OR52N5: variants seen among roughly 807,000 people sequenced by gnomAD.
The protein encoded by OR52N5 is olfactory receptor 52N5.
Under a neutral mutation model 14.1 loss-of-function variants are expected in OR52N5, and 10 were observed. The ratio of observed to expected loss-of-function variants is 0.71; its 90% CI spans 0.44 to 1.20. The LOEUF is 1.20. OR52N5 is among the 50% of genes most tolerant of loss of function. The pLI is 0.00. For missense variants in OR52N5, 361 were observed against 403.2 expected (o/e 0.90, Z 0.90); for synonymous variants, 116 against 143.0 (o/e 0.81, Z 1.35).
rs1854557854 is a variant in OR52N5, at chr11:5,782,653, C to G, written c.-248+642G>C. On this transcript the variant is annotated intron_variant, in intron 1 of 2. Transcript: ENST00000641181. ...CACCTTTCTTCCTCCTTGCTACCTT[C>G]ACATTTTCTCCATTTTTATGATGAT... Among the ~76,000 whole-genome samples the G allele has an allele frequency of 2.1e-5, 3 of 139,738 alleles. 1 individual carries two copies. The South Asian group carries it at 7.0e-4, about 33-fold the overall frequency. The allele number at this position is 139,738 out of a possible 152,430, so 91.7% of individuals were successfully genotyped here.
Position 5,779,918 on chromosome 11 carries a change from T to A in OR52N5, c.-23-1261A>T, listed in dbSNP as rs1412421499. 4.3e-5 allele frequency among the ~76,000 whole-genome samples: 6 copies of A among 139,398 alleles called. 1 individual carries two copies. Among genetic ancestry groups the A allele is most frequent in the African/African-American group, 1.6e-4 (6 of 38,108 alleles). 91.5% of individuals were successfully genotyped at this position (139,398 alleles called of 152,430 possible). ...AAATTGTTACTCCACCCAGGTCACA[T>A]CAACATATCTATTTTCTGTAGTCTA... is the stretch of plus-strand genomic sequence containing the variant. On this transcript the variant is annotated intron_variant, in intron 2 of 2. Coordinates refer to ENST00000641181, the MANE Select transcript of OR52N5 (RefSeq NM_001385662.1).
At chr11:5,781,004 T>A (rs1026720224) in intron 2 of OR52N5, among the ~76,000 whole-genome samples, 1 of 140,374 alleles carries the variant, frequency 7.1e-6, no homozygotes, top group African/African-American at 2.6e-5. Flanking sequence ...GAATGAGCTA[T>A]TGCCGTTAAA....
At position 5,777,372 on chromosome 11, in the gene OR52N5, T is replaced by C. The variant is rs111363944; in HGVS notation, c.*288A>G. On this transcript the variant is annotated 3_prime_UTR_variant, in exon 3 of 3. Coordinates refer to ENST00000641181, the MANE Select transcript of OR52N5 (RefSeq NM_001385662.1). The stretch of plus-strand genomic sequence containing the variant: ...TTAGCCATTCTGTAAGGTTTATATA[T>C]ATTTAAAACATTATGTTATATATGA... The C allele has an allele frequency of 0.12, 22,296 of 185,780 alleles. 4,673 individuals carry two copies. The highest frequency in any genetic ancestry group is 0.29 in the African/African-American group (11,562 of 39,828). 11.5% of individuals were successfully genotyped at this position (185,780 alleles called of 1,614,324 possible). A position where few individuals can be genotyped will look rare whatever the true frequency, so the allele number is the denominator to read the frequency against.
chr11:5,779,686 TC>T lies in OR52N5; in HGVS notation c.-23-1030del, dbSNP rs1489690268. On this transcript the variant is annotated intron_variant, in intron 2 of 2. Coordinates refer to ENST00000641181, the MANE Select transcript of OR52N5 (RefSeq NM_001385662.1). ...ATGACGACTATTTTCATCAGAAATA[TC>T]CATAAAATTTTACATTTATTATGTC... 3.6e-5 allele frequency among the ~76,000 whole-genome samples: 5 copies of T among 140,012 alleles called. No individual in the cohort carries two copies. In the East Asian group the frequency reaches 1.0e-3, roughly 29 times the overall value. The allele number at this position is 140,012 out of a possible 152,430, so 91.9% of individuals were successfully genotyped here.
chr11:5,777,904 TGCCGAG>T lies in OR52N5; in HGVS notation c.725_730del (p.Ala242_Gln244delinsGlu), dbSNP rs758910287. ...GGCAGTGCAGGTGCTGAAAGCCTTC[TGCCGAG>T]CATCTGATGAAGAGAGGCTGATCGC... is the stretch of plus-strand genomic sequence containing the variant. On this transcript the variant is annotated inframe_deletion, in exon 3 of 3. Transcript: ENST00000641181. 1.2e-5 allele frequency: 18 copies of T among 1,521,450 alleles called. 5 individuals carry two copies. Among genetic ancestry groups the T allele is most frequent in the Non-Finnish European group, 1.5e-5 (17 of 1,114,790 alleles). 94.2% of individuals were successfully genotyped at this position (1,521,450 alleles called of 1,614,324 possible).
chr11:5,780,613 G>T (rs1854541364), intron 2 of OR52N5, among the ~76,000 whole-genome samples: 1 of 138,484 alleles, frequency 7.2e-6, no homozygotes, highest in Middle Eastern at 3.6e-3. Context: ...GACATACAAA[G>T]GTTCATAAGA....
Position 5,778,023 on chromosome 11 carries a change from A to G in OR52N5, c.612T>C (p.Asn204=). The change falls in exon 3 of 3, where the codon AAT becomes AAC. Residue 204 remains asparagine, a synonymous_variant. Coordinates refer to ENST00000641181, the MANE Select transcript of OR52N5 (RefSeq NM_001385662.1). ...GAGCAACCATTAGACCATAGATTAC[A>G]TTGACCTTGATGCTGGCACAAGATA... The part of the protein sequence containing the change: ...VKLSCASIKV[N]VIYGLMVALL... 6.6e-7 allele frequency: 1 copy of G among 1,521,492 alleles called. No homozygotes were observed. Among genetic ancestry groups the G allele is most frequent in the Non-Finnish European group, 9.0e-7 (1 of 1,114,344 alleles). 94.2% of individuals were successfully genotyped at this position (1,521,492 alleles called of 1,614,324 possible).
In OR52N5 at chr11:5,778,213, T is replaced by C. The variant is rs751193662; in HGVS notation, c.422A>G (p.Tyr141Cys). 22 of 1,520,228 alleles carry C rather than the reference T, an allele frequency of 1.4e-5. 3 individuals are homozygous for C. The highest frequency in any genetic ancestry group is 2.0e-5 in the Non-Finnish European group (22 of 1,113,960). 94.2% of individuals were successfully genotyped at this position (1,520,228 alleles called of 1,614,324 possible). ...RYVAICYPLR[Y>C]ATTLTNPIIA... ...GATAGGGTTGGTGAGTGTGGTAGCA[T>C]AACGCAAAGGGTAGCAAATGGCTAC... The change falls in exon 3 of 3, where the codon TAT (tyrosine) becomes TGT (cysteine). Residue 141 changes from tyrosine to cysteine, a missense_variant. Tyr to Cys is a radical substitution (Grantham distance 194). Coordinates refer to ENST00000641181, the MANE Select transcript of OR52N5 (RefSeq NM_001385662.1).
chr11:5,782,706 A>G (rs1854558200), intron 1 of OR52N5, among the ~76,000 whole-genome samples: 1 of 139,488 alleles, frequency 7.2e-6, no homozygotes, highest in African/African-American at 2.6e-5. Flanking sequence ...TGCTCAAACA[A>G]TTTATATTTA....
chr11:5,782,774 A>G (rs751531632), intron 1 of OR52N5, among the ~76,000 whole-genome samples: 4 of 138,638 alleles, frequency 2.9e-5, no homozygotes, highest in Non-Finnish European at 6.4e-5. Flanking sequence ...TCTGCCACCT[A>G]TTTTATCCCA....
chr11:5,777,924 G>C lies in OR52N5; in HGVS notation c.711C>G (p.Leu237=). The C allele has an allele frequency of 2.6e-6, 4 of 1,521,752 alleles. 1 individual carries two copies. The highest frequency in any genetic ancestry group is 3.6e-6 in the Non-Finnish European group (4 of 1,114,790). The allele number at this position is 1,521,752 out of a possible 1,614,324, so 94.3% of individuals were successfully genotyped here. The change falls in exon 3 of 3, where the codon CTC becomes CTG. Residue 237 remains leucine, a synonymous_variant. Coordinates refer to ENST00000641181, the MANE Select transcript of OR52N5 (RefSeq NM_001385662.1). ...YTLILKAAIS[L]SSSDARQKAF... is the part of the protein sequence containing the mutation. Reference sequence around the variant, plus strand: ...CCTTCTGCCGAGCATCTGATGAAGAGAGGCTGATCGCTGCCTTGAGGATCA... The same window carrying C: ...CCTTCTGCCGAGCATCTGATGAAGACAGGCTGATCGCTGCCTTGAGGATCA...
chr11:5,776,229 TG>T lies in OR52N5; in HGVS notation c.*1430del. 1 of 140,314 alleles carries T rather than the reference TG, an allele frequency of 7.1e-6. No individual in the cohort carries two copies. Among genetic ancestry groups the T allele is most frequent in the Admixed American group, 7.3e-5 (1 of 13,626 alleles). 8.7% of individuals were successfully genotyped at this position (140,314 alleles called of 1,614,324 possible). On this transcript the variant is annotated 3_prime_UTR_variant, in exon 3 of 3. Transcript: ENST00000641181. ...GATAAGTTCTATTTTAAGATTTAGC[TG>T]AGTTGATAAAAATATTCAGAAATAT... is the stretch of plus-strand genomic sequence containing the variant.
chr11:5,782,285 T>A (rs1193141098), intron 1 of OR52N5, among the ~76,000 whole-genome samples: 2 of 139,724 alleles, frequency 1.4e-5, no homozygotes, highest in African/African-American at 5.2e-5. Flanking sequence ...ACTTTCTCCA[T>A]CTCTACTCTG....
chr11:5,783,092 C>T (rs1854561015), intron 1 of OR52N5, among the ~76,000 whole-genome samples: 1 of 138,788 alleles, frequency 7.2e-6, no homozygotes. Context: ...TGTACCTTGT[C>T]CACCAAGAAC....
At position 5,783,034 on chromosome 11, in the gene OR52N5, C is replaced by A. The variant is rs147876947; in HGVS notation, c.-248+261G>T. Among the ~76,000 whole-genome samples the A allele has an allele frequency of 5.8e-5, 8 of 138,742 alleles. 1 individual carries two copies. Among genetic ancestry groups the A allele is most frequent in the Non-Finnish European group, 1.1e-4 (7 of 62,912 alleles). The allele number at this position is 138,742 out of a possible 152,430, so 91.0% of individuals were successfully genotyped here. On this transcript the variant is annotated intron_variant, in intron 1 of 2. Coordinates refer to ENST00000641181, the MANE Select transcript of OR52N5 (RefSeq NM_001385662.1). The stretch of plus-strand genomic sequence containing the variant: ...AAAAAAAGAAGAAGAATAAATATAA[C>A]GAGAGGAGTTCCTTAAATTCTAAAG...
Position 5,776,545 on chromosome 11 carries a change from C to T in OR52N5, c.*1115G>A, listed in dbSNP as rs1854495177. The T allele has an allele frequency of 7.1e-6, 1 of 140,464 alleles. No individual in the cohort carries two copies. The highest frequency in any genetic ancestry group is 7.4e-5 in the Admixed American group (1 of 13,600). 8.7% of individuals were successfully genotyped at this position (140,464 alleles called of 1,614,324 possible). A position where few individuals can be genotyped will look rare whatever the true frequency, so the allele number is the denominator to read the frequency against. On this transcript the variant is annotated 3_prime_UTR_variant, in exon 3 of 3. Transcript: ENST00000641181. ...CTATAGGAAAGATTATCAACATAGA[C>T]AAGACACTTAAGGACTCTTTCAAAG...
At chr11:5,778,708 T>A (rs1854524573) in intron 2 of OR52N5, 51 bp from the exon 3 acceptor site, 1 of 1,023,668 alleles carries the variant, frequency 9.8e-7, no homozygotes, top group African/African-American at 1.7e-5. Context: ...TCCTTGCAAA[T>A]ACAAATTCAA....
intron 1 of OR52N5, among the ~76,000 whole-genome samples, chr11:5,782,661 C>T (rs922983571): frequency 2.9e-5 from 4 of 139,608 alleles, no homozygotes; most frequent in Non-Finnish European, 6.3e-5. Flanking sequence ...TTCACATTTT[C>T]TCCATTTTTA....
rs200685016 is a variant in OR52N5 at position 5,777,888 on chromosome 11, G to T, written c.747C>A (p.Thr249=). Reference sequence around the variant, plus strand: ...TGATGGCAGATATATGGGCAGTGCAGGTGCTGAAAGCCTTCTGCCGAGCAT... The same window carrying T: ...TGATGGCAGATATATGGGCAGTGCATGTGCTGAAAGCCTTCTGCCGAGCAT... ...SSDARQKAFS[T]CTAHISAIII... Residue 249 remains threonine, a synonymous_variant, in exon 3 of 3, where the codon ACC becomes ACA. Coordinates refer to ENST00000641181, the MANE Select transcript of OR52N5 (RefSeq NM_001385662.1). 1.2e-5 allele frequency: 19 copies of T among 1,520,954 alleles called. 4 individuals carry two copies. In the East Asian group the frequency reaches 3.7e-4, roughly 30 times the overall value. The allele number at this position is 1,520,954 out of a possible 1,614,324, so 94.2% of individuals were successfully genotyped here. A position where few individuals can be genotyped will look rare whatever the true frequency, so the allele number is the denominator to read the frequency against.
Sources: gnomAD v4.1 joint callset for allele counts (sites outside exome capture counted in the v4.1 genomes callset) on GRCh38, gnomAD v4.1.1 for gene constraint, MANE v1.5 for transcripts, NCBI Gene and HGNC (gene_info 2026-07-23, HGNC 2026-07-21) for gene names.